The following SSPN variants were observed in gnomAD, a reference collection of about 807,000 sequenced individuals.
SSPN encodes sarcospan, also known as K-ras oncogene-associated protein.
A neutral mutation model predicts 19.1 loss-of-function variants in SSPN; 15 were observed. That is an observed-to-expected ratio of 0.78 (90% CI 0.52 to 1.21). The LOEUF is 1.21. Among genes scored for constraint, SSPN ranks in the 50% most tolerant of loss-of-function variants. SSPN has a pLI of 0.00. For synonymous variants in SSPN, 147 were observed against 140.3 expected (o/e 1.05, Z -0.34); for missense variants, 291 against 314.0 (o/e 0.93, Z 0.55).
chr12:26,122,180 G>T (rs1300914055), intron 1 of SSPN: 5 of 1,492,948 alleles, frequency 3.3e-6, no homozygotes, highest in East Asian at 5.4e-5. Flanking sequence ...GGTGCTGGGG[G>T]TGCGGCGCCC....
intron 1 of SSPN, among the ~76,000 whole-genome samples, chr12:26,149,713 T>C (rs1391800367): frequency 2.4e-4 from 37 of 152,394 alleles, no homozygotes; most frequent in Non-Finnish European, 1.5e-5. Flanking sequence ...GGAAATAGTC[T>C]GCATGGAGCA....
intron 1 of SSPN, among the ~76,000 whole-genome samples, chr12:26,186,622 C>A (rs1262367609): frequency 1.3e-5 from 2 of 152,216 alleles, no homozygotes; most frequent in Admixed American, 6.5e-5. Context: ...TTTGCTTCTG[C>A]AGGTCTGTTA....
At chr12:26,159,063 C>T (rs1245730333) in intron 1 of SSPN, among the ~76,000 whole-genome samples, 1 of 152,206 alleles carries the variant, frequency 6.6e-6, no homozygotes, top group Non-Finnish European at 1.5e-5. Flanking sequence ...GCTCTGGGGT[C>T]AGGAAAGGGA....
chr12:26,190,347 C>G (rs1354226941), upstream of SSPN, among the ~76,000 whole-genome samples: 1 of 152,218 alleles, frequency 6.6e-6, no homozygotes, highest in African/African-American at 2.4e-5. Context: ...TGAGGATACT[C>G]AAGCAGCCCT....
At chr12:26,200,756 A>T (rs7313425) in intron 1 of SSPN, among the ~76,000 whole-genome samples, 1 of 151,838 alleles carries the variant, frequency 6.6e-6, no homozygotes, top group African/African-American at 2.4e-5. Context: ...TACATTATTC[A>T]TCATATTGGG....
At chr12:26,196,903 C>G (rs1944835263) in intron 1 of SSPN, among the ~76,000 whole-genome samples, 1 of 152,194 alleles carries the variant, frequency 6.6e-6, no homozygotes, top group African/African-American at 2.4e-5. Flanking sequence ...ACACTGCCAC[C>G]ACATTTGGTT....
intron 1 of SSPN, chr12:26,122,858 G>A (rs758813683): frequency 2.5e-6 from 4 of 1,569,256 alleles, no homozygotes; most frequent in Non-Finnish European, 1.7e-6. Context: ...GCTGGATGAC[G>A]GGCACGCAGT....
At chr12:26,224,217 A>C in intron 1 of SSPN, 76 bp from the exon 2 acceptor site, 1 of 978,858 alleles carries the variant, frequency 1.0e-6, no homozygotes, top group Non-Finnish European at 1.6e-6. Context: ...TGACTGCAGG[A>C]AGATACTGAG....
intron 1 of SSPN, among the ~76,000 whole-genome samples, chr12:26,147,252 A>G (rs967622832): frequency 3.4e-5 from 5 of 146,162 alleles, no homozygotes; most frequent in Admixed American, 2.1e-4. Flanking sequence ...GAAAATGAAA[A>G]CGATAATTTT....
intron 1 of SSPN, among the ~76,000 whole-genome samples, chr12:26,150,347 G>A (rs763780243): frequency 5.4e-4 from 82 of 152,268 alleles, no homozygotes; most frequent in Non-Finnish European, 6.8e-4. Flanking sequence ...ATGTGTATGC[G>A]ATGCCCTCCC....
At chr12:26,151,097 A>C (rs905943723) in intron 1 of SSPN, among the ~76,000 whole-genome samples, 1 of 152,074 alleles carries the variant, frequency 6.6e-6, no homozygotes, top group South Asian at 2.1e-4. Flanking sequence ...GAACTTAGGG[A>C]AAAAAAGGGG....
intron 1 of SSPN, among the ~76,000 whole-genome samples, chr12:26,207,126 T>G (rs188435433): frequency 1.3e-5 from 2 of 152,228 alleles, no homozygotes. Flanking sequence ...ATTTGAGGAA[T>G]GACTCCAGCT....
chr12:26,127,174 G>A (rs1411715004), intron 1 of SSPN, among the ~76,000 whole-genome samples: 1 of 152,216 alleles, frequency 6.6e-6, no homozygotes, highest in African/African-American at 2.4e-5. Context: ...CACTTGAAAA[G>A]GATGACTGGT....
chr12:26,191,769 G>A (rs985130265), upstream of SSPN, among the ~76,000 whole-genome samples: 3 of 151,744 alleles, frequency 2.0e-5, no homozygotes, highest in East Asian at 1.9e-4. Context: ...TAGGTATGGC[G>A]GCCAGCAAGG....
chr12:26,200,715 A>G (rs1481327695), intron 1 of SSPN, among the ~76,000 whole-genome samples: 1 of 152,070 alleles, frequency 6.6e-6, no homozygotes, highest in Non-Finnish European at 1.5e-5. Flanking sequence ...TTAATCTGGA[A>G]TTATACTTTT....
intron 1 of SSPN, chr12:26,124,723 A>G: frequency 6.2e-7 from 1 of 1,614,158 alleles, no homozygotes; most frequent in African/African-American, 1.3e-5. Context: ...CTTACCCTAT[A>G]AAATCTCTAT....
At chr12:26,148,942 TG>T (rs1944509041) in intron 1 of SSPN, among the ~76,000 whole-genome samples, 1 of 152,182 alleles carries the variant, frequency 6.6e-6, no homozygotes, top group Non-Finnish European at 1.5e-5. Context: ...CACAAATGCC[TG>T]GATTTTTTAA....
intron 1 of SSPN, among the ~76,000 whole-genome samples, chr12:26,209,422 T>C (rs909163087): frequency 6.6e-6 from 1 of 152,120 alleles, no homozygotes; most frequent in East Asian, 1.9e-4. Context: ...CTGTCAGATG[T>C]ATATTTAGAA....
intron 1 of SSPN, among the ~76,000 whole-genome samples, chr12:26,146,420 G>C (rs1944491022): frequency 6.6e-6 from 1 of 152,130 alleles, no homozygotes. Flanking sequence ...CTGTTAAATA[G>C]TACCACCTAG....
Sources: gnomAD v4.1 joint callset for allele counts (sites outside exome capture counted in the v4.1 genomes callset) on GRCh38, gnomAD v4.1.1 for gene constraint, MANE v1.5 for transcripts, NCBI Gene and HGNC (gene_info 2026-07-23, HGNC 2026-07-21) for gene names.